YJEFN3: variants seen among roughly 807,000 people sequenced by gnomAD.
YJEFN3 encodes the protein YjeF N-terminal domain containing 3.
A neutral mutation model predicts 31.5 loss-of-function variants in YJEFN3; 29 were observed. The observed-to-expected ratio is 0.92, with a 90% CI of 0.69 to 1.26. YJEFN3 has a LOEUF of 1.26. Ranked by LOEUF, YJEFN3 falls within the 50% of genes most tolerant of loss-of-function variation. YJEFN3 has a pLI of 0.00. For synonymous variants in YJEFN3, 227 were observed against 196.1 expected, an observed-to-expected ratio of 1.16 and a Z score of -1.32; for missense variants, 442 against 425.4, an observed-to-expected ratio of 1.04 and a Z score of -0.34.
At chr19:19,533,827 A>G in intron 3 of YJEFN3, 1 of 985,490 alleles carries the variant, frequency 1.0e-6, no homozygotes, top group Non-Finnish European at 1.2e-6. Flanking sequence ...CTCAGTGGCC[A>G]ACTGTCTGGT....
chr19:19,530,886 C>G (rs1326000945), intron 2 of YJEFN3, among the ~76,000 whole-genome samples: 1 of 152,142 alleles, frequency 6.6e-6, no homozygotes, highest in Non-Finnish European at 1.5e-5. Context: ...ATGTGTGGAC[C>G]CCCGAAGTGT....
rs1043637417 is a variant in YJEFN3, at chr19:19,528,948, G to A, written c.16G>A (p.Gly6Ser). The stretch of plus-strand genomic sequence containing the variant: ...CACCTCGGCCATGAGCAGCGCAGCC[G>A]GCCCAGACCCGTCGGAGGCGCCCGA... MSSAA[G>S]PDPSEAPEER... The change falls in exon 1 of 7, where the codon GGC (glycine) becomes AGC (serine). Residue 6 changes from glycine to serine, a missense_variant. Coordinates refer to ENST00000514277, the MANE Select transcript of YJEFN3 (RefSeq NM_198537.4). The A allele has an allele frequency of 3.9e-6, 6 of 1,549,194 alleles. No individual in the cohort carries two copies. The South Asian group carries it at 4.8e-5, about 12-fold the overall frequency.
At chr19:19,533,967 G>T in intron 3 of YJEFN3, 1 of 985,574 alleles carries the variant, frequency 1.0e-6, no homozygotes, top group Non-Finnish European at 1.2e-6. Context: ...AAGCCTTTGG[G>T]GAGGATACTT....
intron 2 of YJEFN3, among the ~76,000 whole-genome samples, chr19:19,529,807 G>A (rs867458868): frequency 2.0e-5 from 3 of 152,286 alleles, no homozygotes; most frequent in African/African-American, 7.2e-5. Flanking sequence ...TCAGGGGTGG[G>A]TAGGAGCTAG....
rs1433437667 is a variant in YJEFN3, at chr19:19,537,316, C to T, written c.695-3C>T. On this transcript the variant is annotated splice_polypyrimidine_tract_variant and splice_region_variant and intron_variant, in intron 6 of 6. Transcript: ENST00000514277. ...CCAATCCCCCCGGACCCTCCTCCCT[C>T]AGGCTGGGACGCAGAGACCGGCAGC... is the stretch of plus-strand genomic sequence containing the variant. 5.7e-6 allele frequency: 9 copies of T among 1,585,752 alleles called. No individual in the cohort carries two copies. Among genetic ancestry groups the T allele is most frequent in the African/African-American group, 5.4e-5 (4 of 74,652 alleles).
chr19:19,529,937 C>T (rs752451229), intron 2 of YJEFN3, among the ~76,000 whole-genome samples: 4 of 152,136 alleles, frequency 2.6e-5, no homozygotes, highest in South Asian at 2.1e-4. Flanking sequence ...GTTTGGGACC[C>T]GGTGATGCAA....
intron 2 of YJEFN3, among the ~76,000 whole-genome samples, chr19:19,531,873 G>A (rs1016524624): frequency 1.3e-5 from 2 of 151,568 alleles, no homozygotes; most frequent in Admixed American, 6.6e-5. Context: ...TGAGTAGCTC[G>A]TACTGCAGGC....
Position 19,534,355 on chromosome 19 carries a change from GAGAGAGACAGAGACACAA to G in YJEFN3, c.319-672_319-655del, listed in dbSNP as rs1476809510. ...ACACAGAGACAGCCAGAGACAGATG[GAGAGAGACAGAGACACAA>G]AGAGAGCCAGAGACACAGAGAGTCT... On this transcript the variant is annotated intron_variant, in intron 3 of 6. Coordinates refer to ENST00000514277, the MANE Select transcript of YJEFN3 (RefSeq NM_198537.4). The surrounding 1 kb of genome is among the most constrained non-coding windows in gnomAD (Gnocchi z 4.6). The G allele has an allele frequency of 4.0e-5, 8 of 198,754 alleles. No homozygotes were observed. Among genetic ancestry groups the G allele is most frequent in the Admixed American group, 6.5e-5 (1 of 15,316 alleles). The allele number at this position is 198,754 out of a possible 1,614,324, so 12.3% of individuals were successfully genotyped here.
At chr19:19,529,796 C>G (rs1416211571) in intron 2 of YJEFN3, among the ~76,000 whole-genome samples, 1 of 151,900 alleles carries the variant, frequency 6.6e-6, no homozygotes, top group Admixed American at 6.6e-5. Flanking sequence ...TGAGGGGGCT[C>G]TCAGGGGTGG....
chr19:19,532,650 C>A lies in YJEFN3; in HGVS notation c.228C>A (p.Ala76=), dbSNP rs1221808020. ...PVCQSTAEAA[A]LERELLEDYR... is the part of the protein sequence containing the mutation. ...TCCCCAGCACCGCGGAGGCAGCCGC[C>A]CTGGAGCGGGAGCTGCTGGAGGATT... Residue 76 remains alanine, a synonymous_variant, in exon 3 of 7, where the codon GCC becomes GCA. Coordinates refer to ENST00000514277, the MANE Select transcript of YJEFN3 (RefSeq NM_198537.4). The A allele has an allele frequency of 1.3e-6, 2 of 1,561,404 alleles. No individual in the cohort carries two copies. The highest frequency in any genetic ancestry group is 2.7e-5 in the African/African-American group (2 of 73,940).
chr19:19,535,669 C>T lies in YJEFN3; in HGVS notation c.684C>T (p.Asp228=). The T allele has an allele frequency of 1.9e-6, 3 of 1,560,916 alleles. No homozygotes were observed. Among genetic ancestry groups the T allele is most frequent in the Non-Finnish European group, 2.6e-6 (3 of 1,154,298 alleles). The change falls in exon 6 of 7, where the codon GAC becomes GAT. Residue 228 remains aspartate, a synonymous_variant. Transcript: ENST00000514277. The part of the protein sequence containing the change: ...KLLSIPLVSL[D]IPSGWDAETG... ...TGTCCATCCCCCTCGTGAGCCTGGA[C>T]ATCCCCTCAGGCATGCCAGGCAGAG...
At chr19:19,529,332 C>T (rs1282012686) in intron 1 of YJEFN3, 32 bp from the exon 2 acceptor site, 1 of 1,589,328 alleles carries the variant, frequency 6.3e-7, no homozygotes, top group Admixed American at 1.8e-5. Context: ...GAACCCCAAC[C>T]GTGGCCCACC....
At chr19:19,532,426 C>T (rs945105695) in intron 2 of YJEFN3, among the ~76,000 whole-genome samples, 2 of 152,248 alleles carry the variant, frequency 1.3e-5, no homozygotes, top group African/African-American at 2.4e-5. Context: ...GCTCCCACAC[C>T]GCGGCCCGCC....
chr19:19,537,273 A>G, intron 6 of YJEFN3, 46 bp from the exon 7 acceptor site: 3 of 1,501,158 alleles, frequency 2.0e-6, no homozygotes, highest in Non-Finnish European at 2.7e-6. Flanking sequence ...GGCTGAGGGC[A>G]GGCCACCCTC....
chr19:19,535,837 A>G (rs2061204640), intron 6 of YJEFN3, 158 bp downstream of exon 6: 2 of 1,020,508 alleles, frequency 2.0e-6, no homozygotes, highest in Non-Finnish European at 2.9e-6. Flanking sequence ...CATCCCTCTG[A>G]TGGGGAAGAT....
intron 2 of YJEFN3, 147 bp downstream of exon 2, chr19:19,529,660 A>G (rs534579272): frequency 9.2e-7 from 1 of 1,090,320 alleles, no homozygotes; most frequent in South Asian, 1.6e-5. Context: ...CTGCCCACCT[A>G]GCAGGGCACG....
At chr19:19,529,249 G>C in intron 1 of YJEFN3, 115 bp from the exon 2 acceptor site, 1 of 1,457,050 alleles carries the variant, frequency 6.9e-7, no homozygotes, top group African/African-American at 1.4e-5. Flanking sequence ...AAGCTGCGTT[G>C]CTGGGGAAAC....
rs1308305693 is a variant in YJEFN3 at position 19,537,410 on chromosome 19, C to G, written c.786C>G (p.Arg262=). Reference sequence around the variant, plus strand: ...CGGCGCCCAAGCGCTGCGCTGGCCGCTTCTCCGGGCGCCACCACTTCGTGG... The same window carrying G: ...CGGCGCCCAAGCGCTGCGCTGGCCGGTTCTCCGGGCGCCACCACTTCGTGG... ...SLAAPKRCAG[R]FSGRHHFVAG... is the part of the protein sequence containing the mutation. Residue 262 remains arginine, a synonymous_variant, in exon 7 of 7, where the codon CGC becomes CGG. Transcript: ENST00000514277. The G allele has an allele frequency of 1.8e-5, 29 of 1,591,898 alleles. No homozygotes were observed. The highest frequency in any genetic ancestry group is 2.5e-5 in the Non-Finnish European group (29 of 1,175,252).
rs774458265 is a variant in YJEFN3 at position 19,528,981 on chromosome 19, C to T, written c.49C>T (p.His17Tyr). Residue 17 changes from histidine to tyrosine, a missense_variant, in exon 1 of 7, where the codon CAT becomes TAT. By Grantham distance (83) the His-to-Tyr change is moderately conservative. Coordinates refer to ENST00000514277, the MANE Select transcript of YJEFN3 (RefSeq NM_198537.4). ...CCCGTCGGAGGCGCCCGAAGAGCGG[C>T]ATTTCCTCAGGTCAGCTGGGGAGAG... ...PDPSEAPEER[H>Y]FLRALELQPP... The T allele has an allele frequency of 6.4e-7, 1 of 1,550,678 alleles. No homozygotes were observed. The highest frequency in any genetic ancestry group is 1.2e-5 in the South Asian group (1 of 84,008).
Sources: gnomAD v4.1 joint callset for allele counts (sites outside exome capture counted in the v4.1 genomes callset) on GRCh38, gnomAD v4.1.1 for gene constraint, Gnocchi (gnomAD v3.1) non-coding constraint, MANE v1.5 for transcripts, NCBI Gene and HGNC (gene_info 2026-07-23, HGNC 2026-07-21) for gene names.